DNAI7: variants seen among roughly 807,000 people sequenced by gnomAD.
DNAI7 encodes cancer susceptibility 1.
A neutral mutation model predicts 86.6 loss-of-function variants in DNAI7; 78 were observed. The observed-to-expected ratio is 0.90, with a 90% CI of 0.75 to 1.09. The LOEUF is 1.09. Among genes scored for constraint, DNAI7 ranks in the 50% least tolerant of loss-of-function variants. The pLI is 0.00. For missense variants in DNAI7, 753 were observed against 810.2 expected, an observed-to-expected ratio of 0.93 and a Z score of 0.86; for synonymous variants, 274 against 273.0, an observed-to-expected ratio of 1.00 and a Z score of -0.04.
intron 2 of DNAI7, among the ~76,000 whole-genome samples, chr12:25,163,509 C>T (rs1333361341): frequency 6.6e-6 from 1 of 152,180 alleles, no homozygotes; most frequent in African/African-American, 2.4e-5. Flanking sequence ...GGCCCTACCC[C>T]TATCTCCCTT....
intron 9 of DNAI7, among the ~76,000 whole-genome samples, chr12:25,124,032 T>TTGTGTGTGTGTGTGTGTGTGTGTG (rs57454187): frequency 8.0e-4 from 116 of 144,672 alleles, no homozygotes; most frequent in Non-Finnish European, 1.3e-3. Flanking sequence ...AGTATAAAAA[T>TTGTGTGTGTGTGTGTGTGTGTGTG]TGTGTGTGTG....
rs561424231 is a variant in DNAI7, at chr12:25,156,088, G to A, written c.199-676C>T. Among the ~76,000 whole-genome samples, 141 of 147,992 alleles carry A rather than the reference G, an allele frequency of 9.5e-4. 1 individual carries two copies. The highest frequency in any genetic ancestry group is 3.3e-3 in the African/African-American group (134 of 41,028). On this transcript the variant is annotated intron_variant, in intron 4 of 15. Transcript: ENST00000395987. ...AACCGCACTCCAGCCTGGATGACAG[G>A]GCAAGACTCTAAATCACGTTACAAA...
intron 2 of DNAI7, among the ~76,000 whole-genome samples, chr12:25,174,389 G>GATAT (rs374078515): frequency 0.88 from 2,800 of 3,168 alleles, 1,309 homozygotes; most frequent in Middle Eastern, 1. Context: ...ATATATATGG[G>GATAT]ATATATCATA....
At chr12:25,107,410 T>C (rs979380454), downstream of DNAI7, among the ~76,000 whole-genome samples, 1 of 151,950 alleles carries the variant, frequency 6.6e-6, no homozygotes, top group African/African-American at 2.4e-5. Context: ...CCACTGGAGG[T>C]CTTGGAGCAT....
At chr12:25,108,195 T>G (rs960565449), downstream of DNAI7, 36 of 995,640 alleles carry the variant, frequency 3.6e-5, no homozygotes, top group Middle Eastern at 3.3e-4. Context: ...AGCTTACATT[T>G]CCTCTTTTTG....
chr12:25,185,408 A>G (rs1263536154), intron 2 of DNAI7, among the ~76,000 whole-genome samples: 2 of 152,250 alleles, frequency 1.3e-5, no homozygotes, highest in Admixed American at 6.5e-5. Context: ...TTTTTTTATC[A>G]TATCACTTTC....
At chr12:25,143,742 A>G (rs1417031080) in intron 9 of DNAI7, among the ~76,000 whole-genome samples, 2 of 152,218 alleles carry the variant, frequency 1.3e-5, no homozygotes, top group African/African-American at 4.8e-5. Context: ...ATAACATGCA[A>G]ATAGGCTATT....
intron 9 of DNAI7, among the ~76,000 whole-genome samples, chr12:25,143,127 T>C (rs1936415003): frequency 6.6e-6 from 1 of 152,166 alleles, no homozygotes; most frequent in Admixed American, 6.5e-5. Context: ...GATTTCTGGG[T>C]TCTCATTTCC....
intron 7 of DNAI7, among the ~76,000 whole-genome samples, chr12:25,148,374 T>C (rs1013880221): frequency 6.6e-6 from 1 of 152,048 alleles, no homozygotes; most frequent in Non-Finnish European, 1.5e-5. Context: ...ATTAATGATA[T>C]GAACTTGATC....
intron 9 of DNAI7, among the ~76,000 whole-genome samples, chr12:25,131,243 A>G (rs535757699): frequency 1.3e-5 from 2 of 152,232 alleles, no homozygotes; most frequent in African/African-American, 4.8e-5. Flanking sequence ...CTGATCTTAC[A>G]TGTAGTCCCT....
At chr12:25,123,965 T>C (rs147104617) in intron 9 of DNAI7, among the ~76,000 whole-genome samples, 52 of 151,692 alleles carry the variant, frequency 3.4e-4, no homozygotes, top group African/African-American at 1.2e-3. Context: ...TCAAATAAGA[T>C]AATGGAAATA....
downstream of DNAI7, chr12:25,107,845 A>AATC: frequency 6.2e-7 from 1 of 1,613,762 alleles, no homozygotes; most frequent in South Asian, 1.1e-5. Flanking sequence ...CTGGGCAACA[A>AATC]ATCTCAAGTC....
chr12:25,134,352 C>CATTTTT (rs766442145), intron 9 of DNAI7, among the ~76,000 whole-genome samples: 2 of 91,178 alleles, frequency 2.2e-5, no homozygotes, highest in African/African-American at 8.3e-5. Context: ...CCTTGGCGTA[C>CATTTTT]TTTTTTTTTT....
chr12:25,145,837 C>T (rs989840697), intron 8 of DNAI7, among the ~76,000 whole-genome samples: 1 of 152,176 alleles, frequency 6.6e-6, no homozygotes, highest in Non-Finnish European at 1.5e-5. Flanking sequence ...CATGAATTTG[C>T]CATCGTCACT....
intron 14 of DNAI7, among the ~76,000 whole-genome samples, chr12:25,111,121 A>G (rs181599510): frequency 6.6e-6 from 1 of 152,348 alleles, no homozygotes; most frequent in East Asian, 1.9e-4. Flanking sequence ...TCTTGAGTAC[A>G]GAACTCTTCT....
At chr12:25,170,841 C>A (rs1199775745) in intron 2 of DNAI7, among the ~76,000 whole-genome samples, 1 of 152,152 alleles carries the variant, frequency 6.6e-6, no homozygotes, top group Non-Finnish European at 1.5e-5. Flanking sequence ...CAAAACCATG[C>A]AAGTACATGG....
intron 9 of DNAI7, among the ~76,000 whole-genome samples, chr12:25,130,166 A>G (rs1942710104): frequency 6.6e-6 from 1 of 152,228 alleles, no homozygotes; most frequent in Non-Finnish European, 1.5e-5. Flanking sequence ...CTCATTAAAA[A>G]CAAGAGCGTG....
At chr12:25,187,455 A>G (rs1950133164) in intron 2 of DNAI7, among the ~76,000 whole-genome samples, 1 of 152,186 alleles carries the variant, frequency 6.6e-6, no homozygotes. Context: ...TATATTATTT[A>G]TATTCCTGTC....
intron 13 of DNAI7, among the ~76,000 whole-genome samples, chr12:25,113,405 G>A (rs551405481): frequency 2.6e-5 from 4 of 152,146 alleles, no homozygotes; most frequent in East Asian, 1.9e-4. Flanking sequence ...GGGTTCAAGC[G>A]ATTCTTCCGC....
Sources: allele counts gnomAD v4.1 joint callset (sites outside exome capture counted in the v4.1 genomes callset), GRCh38; gene constraint gnomAD v4.1.1; transcripts MANE v1.5; gene names NCBI Gene and HGNC (gene_info 2026-07-23, HGNC 2026-07-21).